The following PXDNL variants were observed in gnomAD, a reference collection of about 807,000 sequenced individuals.
The protein encoded by PXDNL is peroxidasin like.
Under a neutral mutation model 150.8 loss-of-function variants are expected in PXDNL, and 145 were observed. The observed-to-expected ratio is 0.96, with a 90% CI of 0.84 to 1.10. PXDNL has a LOEUF of 1.10. Among genes scored for constraint, PXDNL ranks in the 50% least tolerant of loss-of-function variants. The probability of loss-of-function intolerance (pLI) is 0.00; values close to 1 mark genes in which losing one functional copy is unlikely to be tolerated. For synonymous variants in PXDNL, 757 were observed against 725.7 expected (o/e 1.04, Z -0.69); for missense variants, 2,087 against 1,873.9 (o/e 1.11, Z -2.10).
chr8:51,645,172 C>A (rs1422866278), intron 2 of PXDNL, among the ~76,000 whole-genome samples: 5 of 152,060 alleles, frequency 3.3e-5, no homozygotes, highest in Non-Finnish European at 7.4e-5. Context: ...GATGTCCCAG[C>A]TCAGCATTCA....
intron 3 of PXDNL, among the ~76,000 whole-genome samples, chr8:51,559,418 G>A (rs1284865019): frequency 2.8e-5 from 4 of 140,368 alleles, no homozygotes; most frequent in South Asian, 2.3e-4. Flanking sequence ...ACAGCTTCCC[G>A]TTTCCCATAG....
At chr8:51,644,813 G>T (rs986491299) in intron 2 of PXDNL, among the ~76,000 whole-genome samples, 3 of 151,768 alleles carry the variant, frequency 2.0e-5, no homozygotes, top group African/African-American at 4.8e-5. Context: ...GCGTGAAGGG[G>T]GCTGAGTCTA....
intron 21 of PXDNL, among the ~76,000 whole-genome samples, chr8:51,334,281 T>G (rs955224124): frequency 1.3e-5 from 2 of 152,062 alleles, no homozygotes; most frequent in Non-Finnish European, 2.9e-5. Context: ...ATGACAATAA[T>G]GACACAACAT....
At chr8:51,450,827 G>A (rs1029694805) in intron 10 of PXDNL, among the ~76,000 whole-genome samples, 2 of 152,182 alleles carry the variant, frequency 1.3e-5, no homozygotes, top group Non-Finnish European at 2.9e-5. Flanking sequence ...TGGGAGGTAG[G>A]ATTGAATTTC....
intron 1 of PXDNL, among the ~76,000 whole-genome samples, chr8:51,805,661 T>C (rs533796653): frequency 1.3e-5 from 2 of 152,170 alleles, no homozygotes; most frequent in Admixed American, 1.3e-4. Context: ...ATAAAGAAAA[T>C]GTCTTTAAAT....
chr8:51,671,391 T>C (rs1000766200), intron 1 of PXDNL, among the ~76,000 whole-genome samples: 4 of 152,220 alleles, frequency 2.6e-5, no homozygotes, highest in African/African-American at 9.6e-5. Context: ...CAGTTCAACC[T>C]GGGAAGTTTT....
At chr8:51,365,362 G>A (rs1452211317) in intron 19 of PXDNL, among the ~76,000 whole-genome samples, 2 of 152,224 alleles carry the variant, frequency 1.3e-5, no homozygotes, top group African/African-American at 2.4e-5. Flanking sequence ...CACCCATGGA[G>A]AAATACATCA....
intron 14 of PXDNL, among the ~76,000 whole-genome samples, chr8:51,419,820 G>C (rs1331627671): frequency 1.3e-5 from 2 of 152,128 alleles, no homozygotes; most frequent in Non-Finnish European, 1.5e-5. Context: ...GAAAAAAAGA[G>C]AGAAGTGGGC....
chr8:51,706,467 C>T (rs535767347), intron 1 of PXDNL, among the ~76,000 whole-genome samples: 1 of 152,234 alleles, frequency 6.6e-6, no homozygotes, highest in African/African-American at 2.4e-5. Flanking sequence ...AAATTGGAGC[C>T]ATCAGAAAAG....
intron 10 of PXDNL, among the ~76,000 whole-genome samples, chr8:51,452,802 A>G (rs1289705614): frequency 6.6e-6 from 1 of 152,226 alleles, no homozygotes; most frequent in Non-Finnish European, 1.5e-5. Context: ...AACTGATGAA[A>G]AACTAGTTTA....
At chr8:51,354,480 T>C (rs1806444831) in intron 19 of PXDNL, among the ~76,000 whole-genome samples, 2 of 152,076 alleles carry the variant, frequency 1.3e-5, no homozygotes, top group Non-Finnish European at 2.9e-5. Context: ...TTAGCTTAAA[T>C]TGATGTTAAA....
chr8:51,438,314 T>A (rs190194990), intron 12 of PXDNL, among the ~76,000 whole-genome samples: 110 of 149,776 alleles, frequency 7.3e-4, no homozygotes, highest in Middle Eastern at 3.4e-3. Flanking sequence ...AAAAAAGCAA[T>A]TCTAAAATTC....
intron 1 of PXDNL, among the ~76,000 whole-genome samples, chr8:51,717,333 G>T (rs1399528002): frequency 6.6e-6 from 1 of 152,202 alleles, no homozygotes; most frequent in Admixed American, 6.5e-5. Flanking sequence ...TGTGAGGAAT[G>T]AAGAAAGCTG....
chr8:51,365,878 A>G (rs1466058189), intron 19 of PXDNL, among the ~76,000 whole-genome samples: 1 of 152,212 alleles, frequency 6.6e-6, no homozygotes, highest in Non-Finnish European at 1.5e-5. Context: ...GCCCCAACAA[A>G]CCAGACAAAA....
intron 4 of PXDNL, among the ~76,000 whole-genome samples, chr8:51,526,496 G>A (rs891095849): frequency 1.3e-5 from 2 of 152,154 alleles, no homozygotes; most frequent in Admixed American, 1.3e-4. Flanking sequence ...GAGAAAAAAT[G>A]TCCAGCAGTT....
chr8:51,338,236 A>T (rs899189726), intron 21 of PXDNL, among the ~76,000 whole-genome samples: 1 of 151,946 alleles, frequency 6.6e-6, no homozygotes, highest in Non-Finnish European at 1.5e-5. Flanking sequence ...AAGTGATTTC[A>T]ATGGTGGCTA....
chr8:51,417,535 T>C (rs1808829856), intron 14 of PXDNL, among the ~76,000 whole-genome samples: 1 of 152,226 alleles, frequency 6.6e-6, no homozygotes, highest in African/African-American at 2.4e-5. Flanking sequence ...TCTGTCACCC[T>C]TGCTAAAAAA....
At chr8:51,653,090 T>C (rs2130799380) in intron 2 of PXDNL, among the ~76,000 whole-genome samples, 1 of 152,334 alleles carries the variant, frequency 6.6e-6, no homozygotes, top group African/African-American at 2.4e-5. Flanking sequence ...CAGTAGACAG[T>C]GGTGAAAGGC....
At chr8:51,712,319 G>A (rs1423985614) in intron 1 of PXDNL, among the ~76,000 whole-genome samples, 2 of 152,034 alleles carry the variant, frequency 1.3e-5, no homozygotes, top group Non-Finnish European at 2.9e-5. Context: ...TGGTACTACT[G>A]GGCTGATTTC....
Sources: allele counts gnomAD v4.1 joint callset (sites outside exome capture counted in the v4.1 genomes callset), GRCh38; gene constraint gnomAD v4.1.1; transcripts MANE v1.5; gene names NCBI Gene and HGNC (gene_info 2026-07-23, HGNC 2026-07-21).